PMM2: variants seen among roughly 807,000 people sequenced by gnomAD.
PMM2 encodes the protein phosphomannomutase 2.
A neutral mutation model predicts 33.2 loss-of-function variants in PMM2; 35 were observed. The observed-to-expected ratio is 1.06, with a 90% CI of 0.81 to 1.40. The LOEUF is 1.40. PMM2 is among the 40% of genes most tolerant of loss of function. The probability of loss-of-function intolerance (pLI) is 0.00; values close to 1 mark genes in which losing one functional copy is unlikely to be tolerated. For synonymous variants in PMM2, 153 were observed against 114.7 expected, an observed-to-expected ratio of 1.33 and a Z score of -2.13; for missense variants, 386 against 306.0, an observed-to-expected ratio of 1.26 and a Z score of -1.95.
chr16:8,830,846 G>T (rs2060805346), intron 7 of PMM2, among the ~76,000 whole-genome samples: 1 of 152,218 alleles, frequency 6.6e-6, no homozygotes, highest in South Asian at 2.1e-4. Context: ...TTGTTTCAAA[G>T]TTGAACTATA....
chr16:8,822,045 T>C (rs1344498089), intron 7 of PMM2, among the ~76,000 whole-genome samples: 2 of 152,226 alleles, frequency 1.3e-5, no homozygotes, highest in Admixed American at 1.3e-4. Flanking sequence ...CACGCAGAGC[T>C]GGCTGTACAG....
At chr16:8,800,822 T>A (rs2141016281) in intron 1 of PMM2, among the ~76,000 whole-genome samples, 1 of 152,268 alleles carries the variant, frequency 6.6e-6, no homozygotes, top group South Asian at 2.1e-4. Flanking sequence ...TAGCTGGGAC[T>A]ACAGGCGCCC....
At chr16:8,821,014 C>G (rs1195209128) in intron 7 of PMM2, among the ~76,000 whole-genome samples, 1 of 152,022 alleles carries the variant, frequency 6.6e-6, no homozygotes, top group Non-Finnish European at 1.5e-5. Flanking sequence ...CTGGACTTAA[C>G]CATGCCTAGC....
At chr16:8,806,623 G>A (rs1410687607) in intron 4 of PMM2, 1 of 593,432 alleles carries the variant, frequency 1.7e-6, no homozygotes, top group African/African-American at 1.9e-5. Context: ...TGGTGCTGCT[G>A]GTTCACAGCA....
At chr16:8,812,168 T>G (rs1238405267) in intron 6 of PMM2, among the ~76,000 whole-genome samples, 1 of 152,176 alleles carries the variant, frequency 6.6e-6, no homozygotes, top group African/African-American at 2.4e-5. Flanking sequence ...TTGGGTGGCT[T>G]TTACAGATCA....
chr16:8,823,950 G>A (rs1457627073), intron 7 of PMM2, among the ~76,000 whole-genome samples: 1 of 152,222 alleles, frequency 6.6e-6, no homozygotes, highest in Non-Finnish European at 1.5e-5. Flanking sequence ...CCTTGGTAAA[G>A]TAACCGGCAT....
intron 7 of PMM2, among the ~76,000 whole-genome samples, chr16:8,813,792 C>T (rs891163190): frequency 4.0e-5 from 6 of 151,644 alleles, no homozygotes; most frequent in African/African-American, 1.2e-4. Flanking sequence ...AGAGGCGTTG[C>T]TGCCATCAAA....
chr16:8,812,768 C>G (rs1476983159), intron 6 of PMM2, among the ~76,000 whole-genome samples: 1 of 152,168 alleles, frequency 6.6e-6, no homozygotes, highest in Non-Finnish European at 1.5e-5. Context: ...AGTTGGCATT[C>G]TGTGCCTCAA....
rs74654399 is a variant in PMM2, at chr16:8,801,206, G to T, written c.67-593G>T. On this transcript the variant is annotated intron_variant, in intron 1 of 7. Coordinates refer to ENST00000268261, the MANE Select transcript of PMM2 (RefSeq NM_000303.3). Reference sequence around the variant, plus strand: ...CTATTTGTATATGTGCCCATAGATGGGTATATAAATGCATAGAAAAATAGC... The same window carrying T: ...CTATTTGTATATGTGCCCATAGATGTGTATATAAATGCATAGAAAAATAGC... Among the ~76,000 whole-genome samples, 4 of 152,098 alleles carry T rather than the reference G, an allele frequency of 2.6e-5. No individual in the cohort carries two copies. In the East Asian group the frequency reaches 7.7e-4, roughly 29 times the overall value.
chr16:8,826,009 C>T (rs1213856103), intron 7 of PMM2, among the ~76,000 whole-genome samples: 1 of 152,158 alleles, frequency 6.6e-6, no homozygotes, highest in Non-Finnish European at 1.5e-5. Flanking sequence ...CTGCGTCGGC[C>T]TTCCAAAGTG....
chr16:8,834,144 G>A (rs2141040066), intron 7 of PMM2, among the ~76,000 whole-genome samples: 1 of 152,338 alleles, frequency 6.6e-6, no homozygotes, highest in South Asian at 2.1e-4. Flanking sequence ...GTAGCATTCT[G>A]AGGACAGGCC....
chr16:8,803,952 G>A (rs1191395850), intron 2 of PMM2, among the ~76,000 whole-genome samples: 3 of 151,370 alleles, frequency 2.0e-5, no homozygotes, highest in Non-Finnish European at 2.9e-5. Flanking sequence ...CCAAAGTGCT[G>A]GGATTACAGG....
At chr16:8,824,819 T>C (rs2060757593) in intron 7 of PMM2, among the ~76,000 whole-genome samples, 2 of 152,212 alleles carry the variant, frequency 1.3e-5, no homozygotes, top group Non-Finnish European at 2.9e-5. Context: ...TTTACTCTGA[T>C]AGAGAGAAGA....
At chr16:8,834,271 T>C (rs57217276) in intron 7 of PMM2, among the ~76,000 whole-genome samples, 25 of 150,862 alleles carry the variant, frequency 1.7e-4, no homozygotes, top group African/African-American at 4.1e-4. Context: ...TTCCTGAAGA[T>C]TGAGGACTGT....
intron 7 of PMM2, among the ~76,000 whole-genome samples, chr16:8,830,315 C>T (rs1236491972): frequency 2.0e-5 from 3 of 152,208 alleles, no homozygotes; most frequent in Non-Finnish European, 4.4e-5. Flanking sequence ...TCCTTGCCCA[C>T]AGCCTAGACA....
At chr16:8,840,023 C>T (rs868716372) in intron 7 of PMM2, among the ~76,000 whole-genome samples, 2 of 151,646 alleles carry the variant, frequency 1.3e-5, no homozygotes, top group Non-Finnish European at 2.9e-5. Flanking sequence ...ACAGGAAGTT[C>T]GGAGGTGTAG....
At chr16:8,818,441 C>G (rs555847380) in intron 7 of PMM2, among the ~76,000 whole-genome samples, 14 of 152,360 alleles carry the variant, frequency 9.2e-5, no homozygotes, top group Non-Finnish European at 1.5e-4. Flanking sequence ...CTTGAAACTT[C>G]AGGTGCAGAG....
intron 2 of PMM2, among the ~76,000 whole-genome samples, chr16:8,802,554 C>T (rs1022966573): frequency 2.6e-5 from 4 of 152,280 alleles, no homozygotes; most frequent in East Asian, 1.9e-4. Context: ...GGATGCCAGG[C>T]GCGGTGGCTC....
In PMM2 at chr16:8,847,750, A is replaced by C. The variant is rs770457654; in HGVS notation, c.666A>C (p.Thr222=). 6.2e-7 allele frequency: 1 copy of C among 1,613,936 alleles called. No individual in the cohort carries two copies. Among genetic ancestry groups the C allele is most frequent in the Non-Finnish European group, 8.5e-7 (1 of 1,179,846 alleles). The change falls in exon 8 of 8, where the codon ACA becomes ACC. Residue 222 remains threonine, a synonymous_variant. Coordinates refer to ENST00000268261, the MANE Select transcript of PMM2 (RefSeq NM_000303.3). ...MPGGNDHEIF[T]DPRTMGYSVT... ...GTGGCAATGACCATGAGATCTTCAC[A>C]GACCCCAGAACCATGGGCTACTCCG...
Sources: gnomAD v4.1 joint callset for allele counts (sites outside exome capture counted in the v4.1 genomes callset) on GRCh38, gnomAD v4.1.1 for gene constraint, MANE v1.5 for transcripts, NCBI Gene and HGNC (gene_info 2026-07-23, HGNC 2026-07-21) for gene names.